ITGA2B: variants seen among roughly 807,000 people sequenced by gnomAD.
The protein encoded by ITGA2B is integrin alpha-IIb.
A neutral mutation model predicts 142.0 loss-of-function variants in ITGA2B; 91 were observed. That is an observed-to-expected ratio of 0.64 (90% CI 0.54 to 0.76). ITGA2B has a LOEUF of 0.76. ITGA2B is among the 30% of genes least tolerant of loss of function. The pLI is 0.00. For synonymous variants in ITGA2B, 536 were observed against 567.2 expected (o/e 0.94, Z 0.78); for missense variants, 1,231 against 1,350.8 (o/e 0.91, Z 1.39).
At chr17:44,379,419 T>A (rs2048574241) in intron 18 of ITGA2B, among the ~76,000 whole-genome samples, 1 of 151,694 alleles carries the variant, frequency 6.6e-6, no homozygotes, top group Admixed American at 6.6e-5. Context: ...CCCGGCTAAT[T>A]TTTTTTGTAT....
At position 44,375,700 on chromosome 17, in the gene ITGA2B, G is replaced by A; in HGVS notation, c.2618C>T (p.Pro873Leu). 6.3e-7 allele frequency: 1 copy of A among 1,588,790 alleles called. No individual in the cohort carries two copies. The highest frequency in any genetic ancestry group is 8.6e-7 in the Non-Finnish European group (1 of 1,167,882). ...VNPLKVDWGL[P>L]IPSPSPIHPA... Reference sequence around the variant, plus strand: ...GTGAATGGGGGAGGGGCTGGGGATGGGCAGCCCCCAGTCCACCTGGGGGGG... The same window carrying A: ...GTGAATGGGGGAGGGGCTGGGGATGAGCAGCCCCCAGTCCACCTGGGGGGG... Residue 873 changes from proline (P) to leucine (L), a missense_variant, in exon 26 of 30, where the codon CCC becomes CTC. Pro to Leu is a moderately conservative substitution (Grantham distance 98). Around this residue, in one of 3 missense-constraint regions of ITGA2B, gnomAD observed 908 missense variants for 1,021.1 expected, o/e 0.89. Transcript: ENST00000262407.
rs1428388730 is a variant in ITGA2B, at chr17:44,378,343, C to A, written c.2094+19G>T. ...TGCCTCCCAGGTCCCGGGTACTGTT[C>A]CCAGGGTGGGGGCCATACCTCGACA... On this transcript the variant is annotated intron_variant, in intron 20 of 29. Transcript: ENST00000262407. 6.2e-7 allele frequency: 1 copy of A among 1,604,970 alleles called. No individual in the cohort carries two copies. The highest frequency in any genetic ancestry group is 2.2e-5 in the East Asian group (1 of 44,716).
In ITGA2B at chr17:44,385,597, G is replaced by C; in HGVS notation, c.528C>G (p.Pro176=). 1 of 1,610,822 alleles carries C rather than the reference G, an allele frequency of 6.2e-7. No homozygotes were observed. Among genetic ancestry groups the C allele is most frequent in the Non-Finnish European group, 8.5e-7 (1 of 1,179,340 alleles). ...TGCGGCTCAGGGTGTTCCCGCGACA[G>C]GGGGAGTACTCGGCGCGGCGGCCGC... is the stretch of plus-strand genomic sequence containing the variant. ...PESGRRAEYS[P]CRGNTLSRIY... Residue 176 remains proline (P), a synonymous_variant, in exon 4 of 30, where the codon CCC becomes CCG. Coordinates refer to ENST00000262407, the MANE Select transcript of ITGA2B (RefSeq NM_000419.5).
In ITGA2B at chr17:44,380,646, C is replaced by T; in HGVS notation, c.1394-1G>A. On this transcript the variant is annotated splice_acceptor_variant, in intron 13 of 29. Coordinates refer to ENST00000262407, the MANE Select transcript of ITGA2B (RefSeq NM_000419.5). LOFTEE classifies it high-confidence loss of function. ...GCCCCGTAAGCTCCCACGATCAGGT[C>T]TATAGACATCGAGGAATGGGTCAGA... 6.2e-7 allele frequency: 1 copy of T among 1,614,198 alleles called. No individual in the cohort carries two copies. Among genetic ancestry groups the T allele is most frequent in the Non-Finnish European group, 8.5e-7 (1 of 1,180,030 alleles).
At chr17:44,381,423 C>T (rs1182169794) in intron 12 of ITGA2B, among the ~76,000 whole-genome samples, 1 of 151,728 alleles carries the variant, frequency 6.6e-6, no homozygotes, top group African/African-American at 2.4e-5. Context: ...TCTGCCTCCC[C>T]CGTTAAAGTG....
At chr17:44,381,518 C>T (rs143259293) in intron 12 of ITGA2B, among the ~76,000 whole-genome samples, 234 of 151,942 alleles carry the variant, frequency 1.5e-3, no homozygotes, top group African/African-American at 5.5e-3. Flanking sequence ...TCAGTAGAGA[C>T]GGGGTTTCAC....
chr17:44,378,303 G>C, intron 20 of ITGA2B, 59 bp downstream of exon 20: 2 of 1,565,788 alleles, frequency 1.3e-6, no homozygotes, highest in Non-Finnish European at 1.7e-6. Flanking sequence ...GGAGATGAGA[G>C]AGCCAAGGCT....
At chr17:44,380,842 T>A in intron 13 of ITGA2B, 37 bp downstream of exon 13, 1 of 1,610,418 alleles carries the variant, frequency 6.2e-7, no homozygotes, top group Non-Finnish European at 8.5e-7. Flanking sequence ...CCAAGGGCCT[T>A]TCTTGGGCAT....
intron 12 of ITGA2B, among the ~76,000 whole-genome samples, chr17:44,382,058 A>C (rs1333255781): frequency 2.6e-5 from 4 of 151,804 alleles, no homozygotes; most frequent in Non-Finnish European, 4.4e-5. Flanking sequence ...TCCCACACCA[A>C]CTTTCTTTTC....
Position 44,389,640 on chromosome 17 carries a change from G to T in ITGA2B, c.-167C>A. 1.3e-6 allele frequency: 1 copy of T among 754,848 alleles called. No individual in the cohort carries two copies. Among genetic ancestry groups the T allele is most frequent in the Non-Finnish European group, 2.1e-6 (1 of 468,384 alleles). 46.8% of individuals were successfully genotyped at this position (754,848 alleles called of 1,614,324 possible). On this transcript the variant is annotated 5_prime_UTR_variant, in exon 1 of 30. Coordinates refer to ENST00000262407, the MANE Select transcript of ITGA2B (RefSeq NM_000419.5). ...CCCTGGACTCATGGTGGCTAGAATT[G>T]CCAGGAAGTGGGTGAGGCCACCCAG...
chr17:44,379,575 G>A, intron 18 of ITGA2B, 114 bp downstream of exon 18: 1 of 1,529,658 alleles, frequency 6.5e-7, no homozygotes, highest in Non-Finnish European at 9.0e-7. Context: ...TTTTCATTAG[G>A]GTTTGGAATG....
chr17:44,381,708 A>G (rs1367432344), intron 12 of ITGA2B, among the ~76,000 whole-genome samples: 2 of 151,760 alleles, frequency 1.3e-5, no homozygotes, highest in African/African-American at 4.8e-5. Flanking sequence ...ACCATGGCTT[A>G]CTGCAGCCTC....
At chr17:44,378,006 T>TA (rs1422483997) in intron 20 of ITGA2B, among the ~76,000 whole-genome samples, 1 of 151,780 alleles carries the variant, frequency 6.6e-6, no homozygotes, top group African/African-American at 2.4e-5. Context: ...CACAAAACAT[T>TA]AGAGTATGAC....
chr17:44,385,387 C>A lies in ITGA2B; in HGVS notation c.575-52G>T. ...GCGCAGGGGTGAAGGGAGGCGCGCGCGAGCCCGGAGGAGGGCTGGGGGACA... is the reference window on the plus strand; with the variant it reads ...GCGCAGGGGTGAAGGGAGGCGCGCGAGAGCCCGGAGGAGGGCTGGGGGACA... On this transcript the variant is annotated intron_variant, in intron 4 of 29. Transcript: ENST00000262407. 3.2e-6 allele frequency: 5 copies of A among 1,582,084 alleles called. No homozygotes were observed. The South Asian group carries it at 4.5e-5, about 14-fold the overall frequency.
At chr17:44,375,533 T>G (rs573424687) in intron 26 of ITGA2B, 58 bp downstream of exon 26, 1 of 1,595,272 alleles carries the variant, frequency 6.3e-7, no homozygotes, top group African/African-American at 1.3e-5. Context: ...CCTCCTCCCA[T>G]CCCCTCTGCC....
chr17:44,375,176 T>G, intron 26 of ITGA2B, 65 bp from the exon 27 acceptor site: 1 of 1,387,444 alleles, frequency 7.2e-7, no homozygotes, highest in Non-Finnish European at 1.0e-6. Context: ...CCCCACCCCC[T>G]TACCCCCAGG....
intron 20 of ITGA2B, 89 bp downstream of exon 20, chr17:44,378,273 G>A: frequency 2.0e-6 from 3 of 1,479,334 alleles, no homozygotes; most frequent in Non-Finnish European, 2.7e-6. Context: ...AAGCAGAAGA[G>A]AAGAGGGACT....
At position 44,374,644 on chromosome 17, in the gene ITGA2B, T is replaced by A; in HGVS notation, c.2943+15A>T. On this transcript the variant is annotated intron_variant, in intron 28 of 29. Transcript: ENST00000262407. Reference sequence around the variant, plus strand: ...TCCTGCAGGACTGGTCTCTGCTCCATCCCCCCACACTCACCTGAGCTTCCC... The same window carrying A: ...TCCTGCAGGACTGGTCTCTGCTCCAACCCCCCACACTCACCTGAGCTTCCC... 1 of 1,603,030 alleles carries A rather than the reference T, an allele frequency of 6.2e-7. No homozygotes were observed. The highest frequency in any genetic ancestry group is 1.1e-5 in the South Asian group (1 of 90,828).
chr17:44,377,852 C>A, intron 20 of ITGA2B, 62 bp from the exon 21 acceptor site: 1 of 929,880 alleles, frequency 1.1e-6, no homozygotes, highest in Non-Finnish European at 1.6e-6. Context: ...TTTAAGCTCC[C>A]TTGGAAGGTC....
Sources: gnomAD v4.1 joint callset for allele counts (sites outside exome capture counted in the v4.1 genomes callset) on GRCh38, gnomAD v4.1.1 for gene constraint, gnomAD v4.1.1 regional missense constraint, MANE v1.5 for transcripts, NCBI Gene and HGNC (gene_info 2026-07-23, HGNC 2026-07-21) for gene names.